ETS1: variants seen among roughly 807,000 people sequenced by gnomAD.
The protein encoded by ETS1 is protein C-ets-1.
Under a neutral mutation model 58.6 loss-of-function variants are expected in ETS1, and 15 were observed. That is an observed-to-expected ratio of 0.26 (90% CI 0.17 to 0.39). ETS1 has a LOEUF of 0.39. Ranked by LOEUF, ETS1 falls within the 10% of genes least tolerant of loss-of-function variation. The pLI is 1.00. For missense variants in ETS1, 417 were observed against 610.5 expected, an observed-to-expected ratio of 0.68 and a Z score of 3.34; for synonymous variants, 214 against 218.2, an observed-to-expected ratio of 0.98 and a Z score of 0.17.
At chr11:128,545,432 T>C (rs1216878088) in intron 3 of ETS1, among the ~76,000 whole-genome samples, 1 of 152,228 alleles carries the variant, frequency 6.6e-6, no homozygotes, top group East Asian at 1.9e-4. Context: ...ATTACCAACC[T>C]GCCTCCCAGA....
chr11:128,495,054 C>T (rs1401811764), intron 3 of ETS1, among the ~76,000 whole-genome samples: 1 of 152,172 alleles, frequency 6.6e-6, no homozygotes, highest in East Asian at 1.9e-4. Flanking sequence ...AGACTCTTCA[C>T]ATACACTATT....
At chr11:128,574,073 AT>A (rs1419657933) in intron 1 of ETS1, among the ~76,000 whole-genome samples, 3 of 152,230 alleles carry the variant, frequency 2.0e-5, no homozygotes, top group African/African-American at 7.2e-5. Context: ...GTAATAAGAA[AT>A]GTCTTATGTT....
intron 1 of ETS1, among the ~76,000 whole-genome samples, chr11:128,578,843 G>T (rs1864805257): frequency 6.6e-6 from 1 of 152,010 alleles, no homozygotes; most frequent in South Asian, 2.1e-4. Context: ...GTATTCTATT[G>T]TATGTATATA....
intron 8 of ETS1, among the ~76,000 whole-genome samples, chr11:128,474,874 C>G (rs1266418697): frequency 1.3e-5 from 2 of 152,226 alleles, no homozygotes; most frequent in African/African-American, 4.8e-5. Context: ...CTTATCCAAT[C>G]AGGTACTGCC....
chr11:128,489,545 A>C, intron 4 of ETS1, 55 bp from the exon 5 acceptor site: 1 of 1,438,696 alleles, frequency 7.0e-7, no homozygotes, highest in Non-Finnish European at 9.8e-7. Flanking sequence ...ACTCCTATCC[A>C]AGCCTCAGAG....
intron 2 of ETS1, among the ~76,000 whole-genome samples, chr11:128,566,237 G>A (rs932612349): frequency 4.6e-5 from 7 of 152,048 alleles, no homozygotes; most frequent in South Asian, 2.1e-4. Context: ...ATGGACAAGC[G>A]GAAATCCTCA....
At chr11:128,519,781 T>G (rs995707025) in intron 3 of ETS1, among the ~76,000 whole-genome samples, 3 of 152,230 alleles carry the variant, frequency 2.0e-5, no homozygotes, top group African/African-American at 7.2e-5. Context: ...CATATTTTTA[T>G]GTCAATTATT....
At chr11:128,561,795 T>C (rs1467756032) in intron 2 of ETS1, among the ~76,000 whole-genome samples, 2 of 151,774 alleles carry the variant, frequency 1.3e-5, no homozygotes, top group African/African-American at 4.8e-5. Context: ...TCAGATGGAG[T>C]GAGGGCAACT....
At chr11:128,533,656 C>T (rs1416375136) in intron 3 of ETS1, among the ~76,000 whole-genome samples, 1 of 152,164 alleles carries the variant, frequency 6.6e-6, no homozygotes, top group Non-Finnish European at 1.5e-5. Flanking sequence ...TCTGTCAAGA[C>T]TCAGCAGTAA....
intron 3 of ETS1, chr11:128,530,077 A>G (rs185644290): frequency 1.6e-4 from 24 of 152,322 alleles, no homozygotes; most frequent in Non-Finnish European, 5.9e-5. Context: ...AAGCATGCCA[A>G]TGATGTAAAG....
At chr11:128,521,682 T>C (rs1397105066) in intron 3 of ETS1, among the ~76,000 whole-genome samples, 2 of 152,174 alleles carry the variant, frequency 1.3e-5, no homozygotes, top group Non-Finnish European at 1.5e-5. Flanking sequence ...AAAACACAGC[T>C]GTGAAAATAA....
At chr11:128,511,651 C>T (rs1453931170) in intron 3 of ETS1, among the ~76,000 whole-genome samples, 4 of 152,200 alleles carry the variant, frequency 2.6e-5, no homozygotes, top group Non-Finnish European at 5.9e-5. Flanking sequence ...AAATCTACCT[C>T]CACCAAAAGA....
chr11:128,526,848 A>T, intron 3 of ETS1: 1 of 450,848 alleles, frequency 2.2e-6, no homozygotes, highest in Non-Finnish European at 4.4e-6. Context: ...GCTCAATGGG[A>T]GTTTATCAGT....
chr11:128,584,233 C>A (rs539434761), intron 1 of ETS1, among the ~76,000 whole-genome samples: 1 of 152,156 alleles, frequency 6.6e-6, no homozygotes, highest in Admixed American at 6.5e-5. Context: ...TCCACAGATA[C>A]CACTTCAGAA....
chr11:128,573,008 G>C, intron 2 of ETS1, 54 bp downstream of exon 2: 1 of 1,413,008 alleles, frequency 7.1e-7, no homozygotes, highest in East Asian at 2.4e-5. Flanking sequence ...GAAGCACAAG[G>C]AGGAGGGGAG....
chr11:128,567,191 G>T lies in ETS1; in HGVS notation c.69+5871C>A, dbSNP rs1864521251. 2.0e-5 allele frequency among the ~76,000 whole-genome samples: 3 copies of T among 152,298 alleles called. No homozygotes were observed. The South Asian group carries it at 6.2e-4, about 32-fold the overall frequency. On this transcript the variant is annotated intron_variant, in intron 2 of 9. Transcript: ENST00000392668. ...CTACCCTCTATGCTGGTACCAACTA[G>T]AGATTCAGCTGACCCCCCAGGTACC...
intron 3 of ETS1, among the ~76,000 whole-genome samples, chr11:128,509,178 C>A (rs1369095034): frequency 6.6e-6 from 1 of 152,200 alleles, no homozygotes; most frequent in Non-Finnish European, 1.5e-5. Context: ...CATGGAAAAG[C>A]CACAAAGCTC....
chr11:128,546,093 A>G (rs1219815019), intron 3 of ETS1, among the ~76,000 whole-genome samples: 1 of 152,244 alleles, frequency 6.6e-6, no homozygotes, highest in East Asian at 1.9e-4. Flanking sequence ...CTGCTCAGCT[A>G]AGAATATCCA....
At chr11:128,489,192 A>C (rs1250135006) in intron 5 of ETS1, 98 bp downstream of exon 5, 4 of 982,876 alleles carry the variant, frequency 4.1e-6, no homozygotes, top group Non-Finnish European at 6.5e-6. Flanking sequence ...GGACACCCAC[A>C]GATAAAGGCA....
Sources: gnomAD v4.1 joint callset for allele counts (sites outside exome capture counted in the v4.1 genomes callset) on GRCh38, gnomAD v4.1.1 for gene constraint, MANE v1.5 for transcripts, NCBI Gene and HGNC (gene_info 2026-07-23, HGNC 2026-07-21) for gene names.